FRAS1: variants seen among roughly 807,000 people sequenced by gnomAD.
FRAS1 encodes the protein Fraser extracellular matrix complex subunit 1.
A neutral mutation model predicts 435.2 loss-of-function variants in FRAS1; 290 were observed. The observed-to-expected ratio is 0.67, with a 90% confidence interval of 0.61 to 0.73. FRAS1 has a LOEUF of 0.73. FRAS1 is among the 30% of genes least tolerant of loss of function. FRAS1 has a pLI of 0.00. For missense variants in FRAS1, 4,860 were observed against 5,001.5 expected (o/e 0.97, Z 0.85); for synonymous variants, 1,800 against 1,851.0 (o/e 0.97, Z 0.71).
chr4:78,109,484 G>A lies in FRAS1; in HGVS notation c.108+43468G>A, dbSNP rs1244155125. Among the ~76,000 whole-genome samples the A allele has an allele frequency of 5.2e-3, 789 of 151,532 alleles. 38 individuals carry two copies. Among genetic ancestry groups the A allele is most frequent in the Admixed American group, 0.045 (678 of 15,152 alleles). ...AAACGTAATCTAGCATATAAACAGA[G>A]CCAAAGACAAAAACCACATGATTAT... is the stretch of plus-strand genomic sequence containing the variant. On this transcript the variant is annotated intron_variant, in intron 2 of 73. Transcript: ENST00000512123.
chr4:78,103,382 G>A (rs1044219878), intron 2 of FRAS1, among the ~76,000 whole-genome samples: 1 of 152,146 alleles, frequency 6.6e-6, no homozygotes, highest in African/African-American at 2.4e-5. Context: ...TGTCTTTCTG[G>A]ATCTTCATGT....
chr4:78,263,080 G>A (rs1001866033), intron 6 of FRAS1, among the ~76,000 whole-genome samples: 1 of 152,166 alleles, frequency 6.6e-6, no homozygotes, highest in African/African-American at 2.4e-5. Flanking sequence ...GGTTAGAAGG[G>A]CATGTATATG....
chr4:78,361,755 G>C (rs1342228747), intron 20 of FRAS1, among the ~76,000 whole-genome samples: 2 of 152,190 alleles, frequency 1.3e-5, no homozygotes, highest in Non-Finnish European at 2.9e-5. Context: ...GCGTTGAGAT[G>C]AAACAAGACA....
intron 2 of FRAS1, among the ~76,000 whole-genome samples, chr4:78,131,143 A>G (rs1384000247): frequency 1.3e-5 from 2 of 152,186 alleles, no homozygotes; most frequent in Non-Finnish European, 2.9e-5. Context: ...ATATTTTTTC[A>G]GAGGAAAATA....
intron 9 of FRAS1, among the ~76,000 whole-genome samples, chr4:78,269,134 T>C (rs1726521816): frequency 6.6e-6 from 1 of 152,244 alleles, no homozygotes; most frequent in Non-Finnish European, 1.5e-5. Context: ...TCTGTTGACC[T>C]TGTTAAAGCC....
At chr4:78,484,734 A>G (rs1334189777) in intron 58 of FRAS1, among the ~76,000 whole-genome samples, 5 of 152,206 alleles carry the variant, frequency 3.3e-5, no homozygotes, top group African/African-American at 9.6e-5. Context: ...ACTTGCTCAT[A>G]ACCCCGTGCT....
At chr4:78,144,924 C>T (rs1720355374) in intron 2 of FRAS1, among the ~76,000 whole-genome samples, 1 of 152,120 alleles carries the variant, frequency 6.6e-6, no homozygotes, top group African/African-American at 2.4e-5. Flanking sequence ...CTATAACAAA[C>T]ATTCTTATAA....
Position 78,452,291 on chromosome 4 carries a change from G to A in FRAS1, c.6700G>A (p.Glu2234Lys). ...SATDQDSGPTELIYRITRQPQ... is the reference protein window; with the variant it reads ...SATDQDSGPTKLIYRITRQPQ... ...CACTGACCAGGACAGTGGGCCTACAGAATTGATCTACAGAATCACCAGACA... is the reference window on the plus strand; with the variant it reads ...CACTGACCAGGACAGTGGGCCTACAAAATTGATCTACAGAATCACCAGACA... The change falls in exon 47 of 74, where the codon GAA becomes AAA. Residue 2234 changes from glutamate to lysine, a missense_variant. By Grantham distance (56) the Glu-to-Lys change is moderately conservative. Transcript: ENST00000512123. The A allele has an allele frequency of 1.9e-6, 3 of 1,613,248 alleles. No individual in the cohort carries two copies. In the Admixed American group the frequency reaches 5.0e-5, roughly 27 times the overall value.
At chr4:78,423,118 T>C (rs1487759391) in intron 34 of FRAS1, among the ~76,000 whole-genome samples, 2 of 152,154 alleles carry the variant, frequency 1.3e-5, no homozygotes, top group African/African-American at 4.8e-5. Context: ...TTAAATATTT[T>C]TATGCCTTTG....
chr4:78,455,378 C>A (rs1719157270), intron 47 of FRAS1, among the ~76,000 whole-genome samples: 1 of 151,880 alleles, frequency 6.6e-6, no homozygotes, highest in Admixed American at 6.6e-5. Context: ...CCCCACTTGT[C>A]TCAATGGGTG....
intron 29 of FRAS1, among the ~76,000 whole-genome samples, chr4:78,399,115 T>C (rs1457889959): frequency 1.3e-5 from 2 of 152,224 alleles, no homozygotes; most frequent in Non-Finnish European, 2.9e-5. Context: ...ATAAATAATA[T>C]GCTATGTCAA....
At chr4:78,284,229 ATT>A (rs11453256) in intron 12 of FRAS1, among the ~76,000 whole-genome samples, 174 bp from the exon 13 acceptor site, 23 of 80,816 alleles carry the variant, frequency 2.8e-4, no homozygotes, top group African/African-American at 6.5e-4. Context: ...ATTGGAATGT[ATT>A]TTTTTTTTTT....
At chr4:78,316,451 G>A (rs987051436) in intron 16 of FRAS1, among the ~76,000 whole-genome samples, 2 of 151,994 alleles carry the variant, frequency 1.3e-5, no homozygotes, top group African/African-American at 2.4e-5. Flanking sequence ...CCTCCCCTTT[G>A]CCTGCCAACC....
At chr4:78,114,648 A>G (rs1743009911) in intron 2 of FRAS1, among the ~76,000 whole-genome samples, 1 of 152,156 alleles carries the variant, frequency 6.6e-6, no homozygotes, top group Non-Finnish European at 1.5e-5. Flanking sequence ...TTGGTGTATA[A>G]GAATGCTTGT....
intron 2 of FRAS1, among the ~76,000 whole-genome samples, chr4:78,228,420 T>C (rs1390297581): frequency 6.6e-6 from 1 of 152,210 alleles, no homozygotes; most frequent in Non-Finnish European, 1.5e-5. Flanking sequence ...TATTACAGGA[T>C]TATGTTAGAA....
chr4:78,185,697 T>C (rs1722240852), intron 2 of FRAS1, among the ~76,000 whole-genome samples: 1 of 152,220 alleles, frequency 6.6e-6, no homozygotes, highest in Non-Finnish European at 1.5e-5. Flanking sequence ...ATATCTATAC[T>C]TGATGCAGAT....
intron 14 of FRAS1, among the ~76,000 whole-genome samples, chr4:78,303,462 T>C (rs1246278025): frequency 6.6e-6 from 1 of 152,236 alleles, no homozygotes; most frequent in Non-Finnish European, 1.5e-5. Flanking sequence ...ATGGCTATTT[T>C]CACGATATTG....
Position 78,255,265 on chromosome 4 carries a change from G to A in FRAS1, c.493G>A (p.Val165Met). Residue 165 changes from valine (V) to methionine (M), a missense_variant, in exon 6 of 74, where the codon GTG becomes ATG. Coordinates refer to ENST00000512123, the MANE Select transcript of FRAS1 (RefSeq NM_025074.7). Reference sequence around the variant, plus strand: ...AGAACCCTGTTCCTATGAAGGCCATGTGTTTCAGGATGGGGAGGACTGGCG... The same window carrying A: ...AGAACCCTGTTCCTATGAAGGCCATATGTTTCAGGATGGGGAGGACTGGCG... ...LGKPCSYEGH[V>M]FQDGEDWRLS... 1 of 1,553,160 alleles carries A rather than the reference G, an allele frequency of 6.4e-7. No individual in the cohort carries two copies. Among genetic ancestry groups the A allele is most frequent in the Non-Finnish European group, 8.7e-7 (1 of 1,147,572 alleles).
chr4:78,482,091 C>G (rs1287180340), intron 57 of FRAS1, 127 bp downstream of exon 57: 2 of 996,754 alleles, frequency 2.0e-6, no homozygotes, highest in African/African-American at 3.3e-5. Context: ...TTTAAAAACA[C>G]ACATACATAA....
Sources: gnomAD v4.1 joint callset for allele counts (sites outside exome capture counted in the v4.1 genomes callset) on GRCh38, gnomAD v4.1.1 for gene constraint, MANE v1.5 for transcripts, NCBI Gene and HGNC (gene_info 2026-07-23, HGNC 2026-07-21) for gene names.